IGF1R: variants seen among roughly 807,000 people sequenced by gnomAD.
The protein encoded by IGF1R is insulin-like growth factor 1 receptor.
Under a neutral mutation model 144.6 loss-of-function variants are expected in IGF1R, and 44 were observed. That is an observed-to-expected ratio of 0.30 (90% CI 0.24 to 0.39). IGF1R has a LOEUF of 0.39. IGF1R is among the 10% of genes least tolerant of loss of function. The pLI is 1.00. For missense variants in IGF1R, 1,355 were observed against 1,833.7 expected, an observed-to-expected ratio of 0.74 and a Z score of 4.77; for synonymous variants, 795 against 722.8, an observed-to-expected ratio of 1.10 and a Z score of -1.60.
chr15:98,720,927 T>C (rs2054231838), intron 2 of IGF1R, among the ~76,000 whole-genome samples: 1 of 152,184 alleles, frequency 6.6e-6, no homozygotes, highest in Admixed American at 6.5e-5. Context: ...TGGCCAGTGA[T>C]TGATGTCTTC....
rs569943499 is a variant in IGF1R, at chr15:98,962,112, G to A, written c.*4670G>A. On this transcript the variant is annotated 3_prime_UTR_variant, in exon 21 of 21. Coordinates refer to ENST00000650285, the MANE Select transcript of IGF1R (RefSeq NM_000875.5). ...CGAATGGCTTGCCAGTGGCTCTGTG[G>A]CAAGATCACACTGAGATCGATGGGT... 2.1e-5 allele frequency: 5 copies of A among 233,336 alleles called. No homozygotes were observed. Among genetic ancestry groups the A allele is most frequent in the Admixed American group, 1.1e-4 (2 of 17,808 alleles). The allele number at this position is 233,336 out of a possible 1,614,324, so 14.5% of individuals were successfully genotyped here. A position where few individuals can be genotyped will look rare whatever the true frequency, so the allele number is the denominator to read the frequency against.
chr15:98,760,146 C>T (rs2055256353), intron 2 of IGF1R, among the ~76,000 whole-genome samples: 1 of 151,792 alleles, frequency 6.6e-6, no homozygotes, highest in African/African-American at 2.4e-5. Flanking sequence ...TTGAGACCAT[C>T]CTGGCCAACA....
At chr15:98,739,690 C>T (rs566199331) in intron 2 of IGF1R, among the ~76,000 whole-genome samples, 32 of 152,244 alleles carry the variant, frequency 2.1e-4, no homozygotes, top group Non-Finnish European at 2.6e-4. Flanking sequence ...CTCACTGCAA[C>T]CTCTGCCTCC....
At chr15:98,856,458 TA>T (rs1450103477) in intron 2 of IGF1R, among the ~76,000 whole-genome samples, 1 of 152,256 alleles carries the variant, frequency 6.6e-6, no homozygotes, top group Admixed American at 6.5e-5. Flanking sequence ...ATAGCATATG[TA>T]AAACACTTAG....
intron 2 of IGF1R, among the ~76,000 whole-genome samples, chr15:98,740,873 GCTT>G (rs2054722640): frequency 6.6e-6 from 1 of 152,078 alleles, no homozygotes; most frequent in Non-Finnish European, 1.5e-5. Context: ...ATCTGGACTG[GCTT>G]TTAAAAGATA....
intron 2 of IGF1R, among the ~76,000 whole-genome samples, chr15:98,755,020 A>G (rs2141341516): frequency 6.6e-6 from 1 of 152,344 alleles, no homozygotes; most frequent in African/African-American, 2.4e-5. Flanking sequence ...GGTCTCTTTA[A>G]AATTCTCTTT....
rs546237139 is a variant in IGF1R, at chr15:98,748,455, G to A, written c.640+40348G>A. ...CTCCCAAAGTGCTGGGATTACAGGC[G>A]TGAGCCACCACATGCAGTCCGTGTA... On this transcript the variant is annotated intron_variant, in intron 2 of 20. Transcript: ENST00000650285. Among the ~76,000 whole-genome samples the A allele has an allele frequency of 1.8e-3, 277 of 152,310 alleles. 1 individual carries two copies. Among genetic ancestry groups the A allele is most frequent in the African/African-American group, 6.4e-3 (266 of 41,562 alleles).
intron 2 of IGF1R, among the ~76,000 whole-genome samples, chr15:98,797,766 C>T (rs1045102647): frequency 1.4e-4 from 21 of 152,198 alleles, no homozygotes; most frequent in African/African-American, 4.3e-4. Flanking sequence ...GAGACAAAGC[C>T]AACTCCATTC....
chr15:98,928,881 C>A (rs2015830667), intron 13 of IGF1R, among the ~76,000 whole-genome samples: 1 of 152,076 alleles, frequency 6.6e-6, no homozygotes, highest in African/African-American at 2.4e-5. Flanking sequence ...TCTGCAGCGG[C>A]ATTGGAAAGG....
intron 3 of IGF1R, chr15:98,893,378 T>G (rs1469943128): frequency 2.0e-5 from 3 of 152,246 alleles, no homozygotes; most frequent in Non-Finnish European, 2.9e-5. Flanking sequence ...TTACTCTGAA[T>G]ACTTTAAAAT....
intron 1 of IGF1R, among the ~76,000 whole-genome samples, chr15:98,675,809 TTTTTC>T (rs1472495150): frequency 1.3e-5 from 1 of 76,484 alleles, no homozygotes; most frequent in Non-Finnish European, 3.1e-5. Flanking sequence ...TCTTTTCTTT[TTTTTC>T]TTTCTTTCTT....
At chr15:98,860,138 T>A (rs1350492160) in intron 2 of IGF1R, among the ~76,000 whole-genome samples, 1 of 152,246 alleles carries the variant, frequency 6.6e-6, no homozygotes, top group Non-Finnish European at 1.5e-5. Flanking sequence ...CTGGAGTTTC[T>A]TGAAGTATTG....
At chr15:98,784,364 G>T (rs2055937534) in intron 2 of IGF1R, 1 of 152,572 alleles carries the variant, frequency 6.6e-6, no homozygotes. Flanking sequence ...GGGAGTCCAG[G>T]ATATCTGAGC....
In IGF1R at chr15:98,739,718, A is replaced by T. The variant is rs1397525041; in HGVS notation, c.640+31611A>T. On this transcript the variant is annotated intron_variant, in intron 2 of 20. Transcript: ENST00000650285. ...CTGCCTCCCAGGTTCAAGTCTCCCG[A>T]GTAGCTGGAACTGCAGGTGCACGCC... Among the ~76,000 whole-genome samples the T allele has an allele frequency of 2.0e-5, 3 of 152,276 alleles. No individual in the cohort carries two copies. In the East Asian group the frequency reaches 5.8e-4, roughly 29 times the overall value.
intron 2 of IGF1R, among the ~76,000 whole-genome samples, chr15:98,725,827 C>T (rs1596237978): frequency 1.3e-5 from 2 of 152,286 alleles, no homozygotes; most frequent in Middle Eastern, 3.4e-3. Context: ...TACATGGTGG[C>T]AGCAAGAGAA....
At chr15:98,945,185 A>G (rs2016506951) in intron 19 of IGF1R, among the ~76,000 whole-genome samples, 1 of 152,278 alleles carries the variant, frequency 6.6e-6, no homozygotes. Flanking sequence ...CTTCCCGAGC[A>G]TCTGGATCAC....
chr15:98,924,963 C>T (rs759608758), intron 13 of IGF1R, among the ~76,000 whole-genome samples: 7 of 151,740 alleles, frequency 4.6e-5, no homozygotes, highest in Non-Finnish European at 7.4e-5. Flanking sequence ...CCAGAGGAGA[C>T]AGTTGCTTTC....
chr15:98,922,776 G>T (rs1256305018), intron 11 of IGF1R, among the ~76,000 whole-genome samples: 6 of 152,236 alleles, frequency 3.9e-5, no homozygotes, highest in Non-Finnish European at 7.3e-5. Context: ...CCCCTCCTGA[G>T]CTCTCACATG....
intron 1 of IGF1R, among the ~76,000 whole-genome samples, chr15:98,666,746 G>A (rs1181407083): frequency 6.6e-6 from 1 of 152,036 alleles, no homozygotes; most frequent in Non-Finnish European, 1.5e-5. Flanking sequence ...CTGGGGGGAG[G>A]GAGCAATGAG....
Sources: gnomAD v4.1 joint callset for allele counts (sites outside exome capture counted in the v4.1 genomes callset) on GRCh38, gnomAD v4.1.1 for gene constraint, MANE v1.5 for transcripts, NCBI Gene and HGNC (gene_info 2026-07-23, HGNC 2026-07-21) for gene names.